TIAM2: variants seen among roughly 807,000 people sequenced by gnomAD.
TIAM2 encodes TIAM Rac1 associated GEF 2.
TIAM2 carries 80 observed loss-of-function variants against 152.9 expected under a neutral mutation model. That is an observed-to-expected ratio of 0.52 (90% CI 0.44 to 0.63). TIAM2 has a LOEUF of 0.63. TIAM2 is among the 30% of genes least tolerant of loss of function. The probability of loss-of-function intolerance (pLI) is 0.00; values close to 1 mark genes in which losing one functional copy is unlikely to be tolerated. For synonymous variants in TIAM2, 804 were observed against 838.0 expected, an observed-to-expected ratio of 0.96 and a Z score of 0.70; for missense variants, 1,965 against 2,120.1, an observed-to-expected ratio of 0.93 and a Z score of 1.44.
chr6:155,103,840 TCTC>T (rs890533887), intron 2 of TIAM2, among the ~76,000 whole-genome samples: 17 of 152,094 alleles, frequency 1.1e-4, no homozygotes, highest in African/African-American at 3.4e-4. Context: ...TAAATTTCCT[TCTC>T]CTGCACAATT....
At chr6:155,247,553 C>T (rs894277585) in intron 19 of TIAM2, among the ~76,000 whole-genome samples, 3 of 152,196 alleles carry the variant, frequency 2.0e-5, no homozygotes, top group Admixed American at 6.5e-5. Context: ...GTCTCGAACT[C>T]GTGACCTCAG....
chr6:155,160,184 T>C (rs988793), intron 7 of TIAM2, among the ~76,000 whole-genome samples: 82,289 of 151,980 alleles, frequency 0.54, 22,425 homozygotes, highest in South Asian at 0.59. Context: ...AGACAGCTGA[T>C]GGTGTAGTTC....
At chr6:155,040,396 A>T (rs142400463) in intron 1 of TIAM2, among the ~76,000 whole-genome samples, 229 of 152,350 alleles carry the variant, frequency 1.5e-3, no homozygotes, top group African/African-American at 5.4e-3. Flanking sequence ...CAACTTGCCG[A>T]ATGTCAGGGA....
intron 2 of TIAM2, among the ~76,000 whole-genome samples, chr6:155,091,194 A>T (rs994915835): frequency 3.3e-5 from 5 of 152,110 alleles, no homozygotes; most frequent in Non-Finnish European, 7.3e-5. Context: ...AATCTAAAGG[A>T]CGCCCAGCCA....
intron 25 of TIAM2, 113 bp from the exon 26 acceptor site, chr6:155,254,305 CT>C: frequency 1.4e-6 from 2 of 1,410,732 alleles, no homozygotes; most frequent in Non-Finnish European, 1.9e-6. Flanking sequence ...TGCTGGGTGG[CT>C]GGCTGGCAGC....
chr6:155,183,235 A>G lies in TIAM2; in HGVS notation c.2801-2A>G. ...TTTCTGTTTCTCCTTCCTTTTTCTC[A>G]GGGCTGAGAAAGGGCAATGAGATCA... is the stretch of plus-strand genomic sequence containing the variant. On this transcript the variant is annotated splice_acceptor_variant, in intron 13 of 26. Transcript: ENST00000682666. LOFTEE classifies it high-confidence loss of function. 6.2e-7 allele frequency: 1 copy of G among 1,606,568 alleles called. No individual in the cohort carries two copies. Among genetic ancestry groups the G allele is most frequent in the East Asian group, 2.2e-5 (1 of 44,738 alleles).
chr6:155,184,194 G>A (rs760224814), intron 14 of TIAM2, among the ~76,000 whole-genome samples: 4 of 152,094 alleles, frequency 2.6e-5, no homozygotes, highest in Non-Finnish European at 5.9e-5. Context: ...TCAGCATGTT[G>A]CCCAGACTGG....
chr6:155,104,040 A>ACACCCCC (rs1562316893), intron 2 of TIAM2, among the ~76,000 whole-genome samples: 4 of 57,732 alleles, frequency 6.9e-5, no homozygotes, highest in African/African-American at 3.1e-4. Flanking sequence ...ACACACACAC[A>ACACCCCC]CCCCCCCCCC....
At chr6:155,246,972 A>G (rs1783373670) in intron 19 of TIAM2, among the ~76,000 whole-genome samples, 1 of 152,234 alleles carries the variant, frequency 6.6e-6, no homozygotes, top group South Asian at 2.1e-4. Flanking sequence ...GCTGGTACCC[A>G]AACCAAATGC....
intron 6 of TIAM2, among the ~76,000 whole-genome samples, chr6:155,147,256 T>C (rs901173818): frequency 2.0e-5 from 3 of 151,580 alleles, no homozygotes; most frequent in Admixed American, 2.0e-4. Context: ...CTAGTCCTAA[T>C]GTTTACTCAT....
intron 7 of TIAM2, among the ~76,000 whole-genome samples, chr6:155,151,837 T>TTG (rs1779976900): frequency 9.6e-6 from 1 of 104,122 alleles, no homozygotes; most frequent in Admixed American, 1.1e-4. Context: ...TCTTTTTTTT[T>TTG]TCTTTTTTTT....
rs1179923751 is a variant in TIAM2 at position 155,249,926 on chromosome 6, T to C, written c.3908T>C (p.Val1303Ala). The change falls in exon 21 of 27, where the codon GTG (valine) becomes GCG (alanine). Residue 1303 changes from valine to alanine, a missense_variant. By Grantham distance (64) the Val-to-Ala change is moderately conservative. Transcript: ENST00000682666. Reference protein sequence around the residue: ...MQKIYEDYGTVFDQLVAEQSG... With the variant: ...MQKIYEDYGTAFDQLVAEQSG... ...AAGATCTATGAGGATTATGGGACCG[T>C]GTTTGACCAGCTAGTAGCTGAGCAG... 1.2e-6 allele frequency: 2 copies of C among 1,614,092 alleles called. No homozygotes were observed. The highest frequency in any genetic ancestry group is 4.5e-5 in the East Asian group (2 of 44,882).
At chr6:155,048,517 G>A (rs1049128327) in intron 1 of TIAM2, among the ~76,000 whole-genome samples, 5 of 152,050 alleles carry the variant, frequency 3.3e-5, no homozygotes, top group African/African-American at 1.2e-4. Context: ...AAGGACAAGT[G>A]TGGCCGTGGA....
In TIAM2 at chr6:155,053,495, A is replaced by G. The variant is rs576966281; in HGVS notation, c.-208-36794A>G. 7.9e-5 allele frequency among the ~76,000 whole-genome samples: 10 copies of G among 127,250 alleles called. No homozygotes were observed. The East Asian group carries it at 2.1e-3, about 27-fold the overall frequency. 83.5% of individuals were successfully genotyped at this position (127,250 alleles called of 152,430 possible). On this transcript the variant is annotated intron_variant, in intron 1 of 26. Transcript: ENST00000682666. ...TTTTTTTTTTTTTTTAAATTTAGAC[A>G]GAGTCTTGCCCCGTCGTCCAGGCTG...
rs1168852509 is a variant in TIAM2 at position 155,023,052 on chromosome 6, TTTTTTTTTCC to T, written c.-209+27561_-209+27570del. Among the ~76,000 whole-genome samples, 7 of 39,218 alleles carry T rather than the reference TTTTTTTTTCC, an allele frequency of 1.8e-4. No individual in the cohort carries two copies. The East Asian group carries it at 6.3e-3, about 35-fold the overall frequency. 25.7% of individuals were successfully genotyped at this position (39,218 alleles called of 152,430 possible). ...CTCATTTTTTGTTCTGTTTTTTTTT[TTTTTTTTTCC>T]CTTGGCAAGTGAATTTATTTCATCT... is the stretch of plus-strand genomic sequence containing the variant. On this transcript the variant is annotated intron_variant, in intron 1 of 26. Coordinates refer to ENST00000682666, the MANE Select transcript of TIAM2 (RefSeq NM_012454.4).
chr6:155,034,856 G>T (rs558794381), intron 1 of TIAM2, among the ~76,000 whole-genome samples: 1 of 152,118 alleles, frequency 6.6e-6, no homozygotes, highest in Non-Finnish European at 1.5e-5. Flanking sequence ...GATGCTAGCC[G>T]CAGATGTTTT....
chr6:155,132,688 G>A (rs1779474176), intron 4 of TIAM2, among the ~76,000 whole-genome samples: 1 of 152,196 alleles, frequency 6.6e-6, no homozygotes, highest in Non-Finnish European at 1.5e-5. Context: ...GGTGGACAAC[G>A]TCCACGCCTT....
intron 2 of TIAM2, among the ~76,000 whole-genome samples, chr6:155,125,013 A>G (rs1236402477): frequency 6.6e-6 from 1 of 152,062 alleles, no homozygotes; most frequent in Non-Finnish European, 1.5e-5. Flanking sequence ...GTGGTGCCTC[A>G]TGCTTGTAAT....
At chr6:155,235,938 A>G (rs1782731019) in intron 15 of TIAM2, among the ~76,000 whole-genome samples, 3 of 152,174 alleles carry the variant, frequency 2.0e-5, no homozygotes, top group Admixed American at 2.0e-4. Flanking sequence ...ACCAGATGCC[A>G]TTTAACTTAT....
Sources: gnomAD v4.1 joint callset for allele counts (sites outside exome capture counted in the v4.1 genomes callset) on GRCh38, gnomAD v4.1.1 for gene constraint, MANE v1.5 for transcripts, NCBI Gene and HGNC (gene_info 2026-07-23, HGNC 2026-07-21) for gene names.